The following MKLN1 variants were observed in gnomAD, a reference collection of about 807,000 sequenced individuals.
MKLN1 encodes muskelin 1, also known as muskelin.
MKLN1 carries 18 observed loss-of-function variants against 99.0 expected under a neutral mutation model. The observed-to-expected ratio is 0.18, with a 90% CI of 0.13 to 0.27. The LOEUF (loss-of-function observed/expected upper bound fraction) is 0.27, where lower values mean the gene tolerates loss of function less well. MKLN1 is among the 10% of genes least tolerant of loss of function. The pLI is 1.00. For synonymous variants in MKLN1, 288 were observed against 293.2 expected (o/e 0.98, Z 0.18); for missense variants, 621 against 875.9 (o/e 0.71, Z 3.67).
At chr7:131,157,188 C>T (rs1006526431) in intron 2 of MKLN1, among the ~76,000 whole-genome samples, 3 of 151,876 alleles carry the variant, frequency 2.0e-5, no homozygotes, top group Admixed American at 6.6e-5. Flanking sequence ...AAAACCAGTC[C>T]GGGCAACATG....
chr7:131,332,812 G>A (rs1199178074), intron 1 of MKLN1, among the ~76,000 whole-genome samples: 1 of 151,614 alleles, frequency 6.6e-6, no homozygotes, highest in Admixed American at 6.6e-5. Flanking sequence ...CACCCATGCT[G>A]GAGTACAGTG....
At chr7:131,402,388 C>T (rs911465520) in intron 6 of MKLN1, among the ~76,000 whole-genome samples, 2 of 152,192 alleles carry the variant, frequency 1.3e-5, no homozygotes, top group Non-Finnish European at 2.9e-5. Context: ...TTAATTTCTT[C>T]TTCTGAAGCC....
At chr7:131,333,226 C>T (rs963840174) in intron 1 of MKLN1, among the ~76,000 whole-genome samples, 6 of 150,926 alleles carry the variant, frequency 4.0e-5, no homozygotes, top group African/African-American at 1.2e-4. Context: ...GCCCAGCCAA[C>T]CATGCCTGGC....
At position 131,136,334 on chromosome 7, in the gene MKLN1, C is replaced by G. The variant is rs1172825157; in HGVS notation, c.-418-6486C>G. Among the ~76,000 whole-genome samples, 6 of 152,176 alleles carry G rather than the reference C, an allele frequency of 3.9e-5. No individual in the cohort carries two copies. In the East Asian group the frequency reaches 1.2e-3, roughly 29 times the overall value. On this transcript the variant is annotated intron_variant, in intron 1 of 7. Transcript: ENST00000416992. ...ATCCAACATAGTGTATTTGAAAATG[C>G]TGTACTTCAAAATGTTTCTCTATAA...
chr7:131,436,448 T>C (rs1350153693), intron 9 of MKLN1, among the ~76,000 whole-genome samples: 1 of 152,222 alleles, frequency 6.6e-6, no homozygotes, highest in Non-Finnish European at 1.5e-5. Context: ...GCATAGACTG[T>C]ATTAACAAGT....
At chr7:131,450,003 G>T (rs948709838) in intron 12 of MKLN1, among the ~76,000 whole-genome samples, 1 of 152,178 alleles carries the variant, frequency 6.6e-6, no homozygotes, top group African/African-American at 2.4e-5. Context: ...ACAAGAGGAT[G>T]TTAATACTGC....
intron 12 of MKLN1, among the ~76,000 whole-genome samples, chr7:131,453,091 T>A (rs913743983): frequency 2.6e-5 from 4 of 152,218 alleles, no homozygotes; most frequent in Admixed American, 1.3e-4. Context: ...ATAATAACTT[T>A]CCCTGATTTC....
At position 131,457,915 on chromosome 7, in the gene MKLN1, C is replaced by CA. The variant is rs201918751; in HGVS notation, c.1526-5292dup. Among the ~76,000 whole-genome samples the CA allele has an allele frequency of 1.1e-3, 154 of 146,478 alleles. 2 individuals carry two copies. In the South Asian group the frequency reaches 0.022, roughly 21 times the overall value. ...GGGCAACAAGAGTGAAACTCCATCT[C>CA]AAAAAAAAAATGTAGGTGAAATAAT... On this transcript the variant is annotated intron_variant, in intron 12 of 17. Transcript: ENST00000352689.
intron 4 of MKLN1, among the ~76,000 whole-genome samples, chr7:131,394,238 T>G (rs555595308): frequency 2.6e-4 from 39 of 152,208 alleles, no homozygotes; most frequent in African/African-American, 9.2e-4. Flanking sequence ...CATACATCCT[T>G]ATGGCTGGTT....
In MKLN1 at chr7:131,350,766, A is replaced by G. The variant is rs190568243; in HGVS notation, c.98+22769A>G. On this transcript the variant is annotated intron_variant, in intron 1 of 17. Transcript: ENST00000352689. ...CCATCACCTTTGCCATATTCTCTTC[A>G]TTAAAAACAAGTCACTAGGCCAACC... Among the ~76,000 whole-genome samples the G allele has an allele frequency of 7.8e-4, 119 of 152,322 alleles. 1 individual carries two copies. Among genetic ancestry groups the G allele is most frequent in the Admixed American group, 2.2e-3 (34 of 15,304 alleles).
At chr7:131,244,669 T>C (rs908943693) in intron 3 of MKLN1, among the ~76,000 whole-genome samples, 1 of 152,182 alleles carries the variant, frequency 6.6e-6, no homozygotes. Context: ...GTGACGACGG[T>C]GATGACGGTG....
Position 131,441,477 on chromosome 7 carries a change from A to G in MKLN1, c.1174-2004A>G, listed in dbSNP as rs143052967. Among the ~76,000 whole-genome samples, 215 of 152,336 alleles carry G rather than the reference A, an allele frequency of 1.4e-3. 4 individuals are homozygous for G. Among genetic ancestry groups the G allele is most frequent in the African/African-American group, 5.1e-3 (211 of 41,594 alleles). On this transcript the variant is annotated intron_variant, in intron 10 of 17. Coordinates refer to ENST00000352689, the MANE Select transcript of MKLN1 (RefSeq NM_013255.5). ...TAAATATCTAACTCCTGACATAATA[A>G]ATGAATAGTCTTTAAACTTTTGGCT...
intron 8 of MKLN1, among the ~76,000 whole-genome samples, chr7:131,422,138 C>G (rs1795216653): frequency 6.6e-6 from 1 of 152,154 alleles, no homozygotes; most frequent in Non-Finnish European, 1.5e-5. Context: ...AGTTTTCTAG[C>G]ACAAGGATTC....
chr7:131,142,763 A>G lies in MKLN1; in HGVS notation c.-418-57A>G, dbSNP rs377520606. ...AGAAAACAAAAAAGGAATTGCAAGCAGAGGGCAATTAATAGAGGTAGACTT... is the reference window on the plus strand; with the variant it reads ...AGAAAACAAAAAAGGAATTGCAAGCGGAGGGCAATTAATAGAGGTAGACTT... On this transcript the variant is annotated intron_variant, in intron 1 of 7. Coordinates refer to the MKLN1 transcript ENST00000416992. The G allele has an allele frequency of 6.2e-4, 264 of 426,330 alleles. 1 individual carries two copies. The highest frequency in any genetic ancestry group is 5.3e-3 in the African/African-American group (250 of 47,358). 26.4% of individuals were successfully genotyped at this position (426,330 alleles called of 1,614,324 possible). A position where few individuals can be genotyped will look rare whatever the true frequency, so the allele number is the denominator to read the frequency against.
intron 16 of MKLN1, among the ~76,000 whole-genome samples, chr7:131,476,821 A>T (rs370055304): frequency 6.6e-6 from 1 of 152,216 alleles, no homozygotes; most frequent in African/African-American, 2.4e-5. Context: ...GCTTTATGCT[A>T]TCTGATTTCA....
chr7:131,226,237 T>C (rs565589996), intron 3 of MKLN1, among the ~76,000 whole-genome samples: 8 of 152,338 alleles, frequency 5.3e-5, no homozygotes, highest in Middle Eastern at 3.4e-3. Flanking sequence ...CATGGTTTTA[T>C]AATTGCCTCT....
chr7:131,308,035 T>A (rs6976939), intron 3 of MKLN1, among the ~76,000 whole-genome samples: 20,890 of 152,092 alleles, frequency 0.14, 1,508 homozygotes, highest in South Asian at 0.2. Flanking sequence ...AGGGGCAGAT[T>A]TCCCCCATGC....
chr7:131,198,123 A>G (rs1796676176), intron 2 of MKLN1, among the ~76,000 whole-genome samples: 1 of 152,230 alleles, frequency 6.6e-6, no homozygotes, highest in African/African-American at 2.4e-5. Context: ...TCATCACACC[A>G]CAAAGGCCAG....
intron 2 of MKLN1, among the ~76,000 whole-genome samples, chr7:131,176,844 T>A (rs1796306464): frequency 6.6e-6 from 1 of 152,274 alleles, no homozygotes. Context: ...TCTAGCCTGC[T>A]GTTGACCCTC....
Sources: gnomAD v4.1 joint callset for allele counts (sites outside exome capture counted in the v4.1 genomes callset) on GRCh38, gnomAD v4.1.1 for gene constraint, MANE v1.5 for transcripts, NCBI Gene and HGNC (gene_info 2026-07-23, HGNC 2026-07-21) for gene names.